The following CFAP20DC variants were observed in gnomAD, a reference collection of about 807,000 sequenced individuals.
CFAP20DC encodes CFAP20 domain containing.
CFAP20DC carries 84 observed loss-of-function variants against 101.7 expected under a neutral mutation model. The observed-to-expected ratio is 0.83, with a 90% CI of 0.69 to 0.99. The LOEUF is 0.99. Among genes scored for constraint, CFAP20DC ranks in the 50% least tolerant of loss-of-function variants. The pLI is 0.00. For synonymous variants in CFAP20DC, 359 were observed against 351.2 expected (o/e 1.02, Z -0.25); for missense variants, 1,007 against 970.3 (o/e 1.04, Z -0.50).
chr3:58,866,563 A>C lies in CFAP20DC; in HGVS notation c.1258+3T>G, dbSNP rs999899162. 6.2e-7 allele frequency: 1 copy of C among 1,602,268 alleles called. No individual in the cohort carries two copies. The highest frequency in any genetic ancestry group is 1.8e-5 in the Admixed American group (1 of 56,870). Reference sequence around the variant, plus strand: ...ACAGATATGGTGTAATAAAGATGCCAACCTGATTGATCAGGAGACTGGGGT... The same window carrying C: ...ACAGATATGGTGTAATAAAGATGCCCACCTGATTGATCAGGAGACTGGGGT... On this transcript the variant is annotated splice_donor_region_variant and intron_variant, in intron 11 of 16. Transcript: ENST00000482387.
chr3:58,910,795 G>A (rs1239302607), intron 6 of CFAP20DC, among the ~76,000 whole-genome samples: 1 of 150,948 alleles, frequency 6.6e-6, no homozygotes, highest in Non-Finnish European at 1.5e-5. Flanking sequence ...CTTATTTTTT[G>A]GTTTTATATC....
chr3:58,996,501 C>T (rs1356451313), intron 4 of CFAP20DC, among the ~76,000 whole-genome samples: 2 of 152,182 alleles, frequency 1.3e-5, no homozygotes, highest in Non-Finnish European at 2.9e-5. Context: ...AACTTGAAAT[C>T]CACAAACTTC....
intron 3 of CFAP20DC, among the ~76,000 whole-genome samples, chr3:58,736,096 C>A (rs1050031333): frequency 6.6e-6 from 1 of 152,008 alleles, no homozygotes; most frequent in African/African-American, 2.4e-5. Context: ...ACTGTCCAGA[C>A]CTAGGTACTG....
chr3:58,959,629 C>G (rs2090960635), intron 4 of CFAP20DC, among the ~76,000 whole-genome samples: 1 of 152,184 alleles, frequency 6.6e-6, no homozygotes, highest in Non-Finnish European at 1.5e-5. Flanking sequence ...TCTACATGTC[C>G]TCTTCATGCC....
At chr3:58,998,296 C>G (rs1358502792) in intron 4 of CFAP20DC, among the ~76,000 whole-genome samples, 1 of 152,130 alleles carries the variant, frequency 6.6e-6, no homozygotes, top group Non-Finnish European at 1.5e-5. Context: ...GTTTTAAATG[C>G]CCATTTTGTT....
At chr3:58,994,660 T>A (rs1243981489) in intron 4 of CFAP20DC, among the ~76,000 whole-genome samples, 1 of 152,150 alleles carries the variant, frequency 6.6e-6, no homozygotes, top group Non-Finnish European at 1.5e-5. Flanking sequence ...TCTAGACACC[T>A]CCAATCATCA....
chr3:58,921,968 T>G (rs748612349), intron 5 of CFAP20DC, among the ~76,000 whole-genome samples: 1 of 152,240 alleles, frequency 6.6e-6, no homozygotes, highest in Non-Finnish European at 1.5e-5. Context: ...TACATAATAT[T>G]CCTTGTCCTG....
intron 14 of CFAP20DC, among the ~76,000 whole-genome samples, chr3:58,808,041 C>A (rs1182328988): frequency 6.6e-6 from 1 of 152,100 alleles, no homozygotes; most frequent in Non-Finnish European, 1.5e-5. Flanking sequence ...ATGAACAAAG[C>A]CTCCAAGAAA....
At chr3:58,921,032 T>C (rs958582517) in intron 5 of CFAP20DC, among the ~76,000 whole-genome samples, 2 of 152,184 alleles carry the variant, frequency 1.3e-5, no homozygotes, top group African/African-American at 4.8e-5. Context: ...AAAAGAATTT[T>C]CCCACTTATC....
intron 14 of CFAP20DC, among the ~76,000 whole-genome samples, chr3:58,806,949 C>T (rs111532776): frequency 0.12 from 18,261 of 152,104 alleles, 1,980 homozygotes; most frequent in East Asian, 0.35. Flanking sequence ...CCTACGCCCA[C>T]GGAGTCTCAC....
chr3:58,859,772 C>T lies in CFAP20DC; in HGVS notation c.1593+3786G>A, dbSNP rs2079096252. Among the ~76,000 whole-genome samples, 1 of 152,104 alleles carries T rather than the reference C, an allele frequency of 6.6e-6. No individual in the cohort carries two copies. Among genetic ancestry groups the T allele is most frequent in the South Asian group, 2.1e-4 (1 of 4,830 alleles). ...AGAGTCTTTTCATTTTTTCCCAACA[C>T]ATAAACTAAATTTAAAAGTATCTGA... On this transcript the variant is annotated intron_variant, in intron 12 of 16. Coordinates refer to ENST00000482387, the MANE Select transcript of CFAP20DC (RefSeq NM_001394063.1). This position sits in a 1 kb window ranked among gnomAD's most constrained non-coding sequence, Gnocchi z 4.1.
chr3:58,831,943 A>G, intron 13 of CFAP20DC, 54 bp from the exon 14 acceptor site: 1 of 1,486,488 alleles, frequency 6.7e-7, no homozygotes, highest in Non-Finnish European at 9.4e-7. Flanking sequence ...TTCTACGGCT[A>G]CTAACAAATG....
At chr3:58,793,584 A>G (rs1312585636) in intron 15 of CFAP20DC, among the ~76,000 whole-genome samples, 1 of 152,180 alleles carries the variant, frequency 6.6e-6, no homozygotes, top group Non-Finnish European at 1.5e-5. Flanking sequence ...CACCAAGTTA[A>G]AACACTGATC....
intron 4 of CFAP20DC, among the ~76,000 whole-genome samples, chr3:58,975,552 G>C (rs779441943): frequency 6.6e-6 from 1 of 152,046 alleles, no homozygotes; most frequent in African/African-American, 2.4e-5. Flanking sequence ...CATAATCTTA[G>C]CTTAAAAAAA....
At chr3:58,853,679 T>A (rs2078471814) in intron 12 of CFAP20DC, among the ~76,000 whole-genome samples, 1 of 152,094 alleles carries the variant, frequency 6.6e-6, no homozygotes. Flanking sequence ...GCTGGTTCAA[T>A]ATACACAAAT....
chr3:58,922,413 A>T (rs1431796676), intron 5 of CFAP20DC, among the ~76,000 whole-genome samples: 1 of 152,144 alleles, frequency 6.6e-6, no homozygotes, highest in East Asian at 1.9e-4. Context: ...GTTCGTGCCC[A>T]ATGTTAGAGA....
At chr3:58,753,953 A>C (rs2068748034) in intron 15 of CFAP20DC, 90 bp from the exon 16 acceptor site, 4 of 777,318 alleles carry the variant, frequency 5.1e-6, no homozygotes, top group African/African-American at 1.8e-5. Context: ...TGGGGCTTCC[A>C]AAAAGAAACA....
At chr3:58,778,569 C>T (rs1480690029) in intron 15 of CFAP20DC, among the ~76,000 whole-genome samples, 1 of 152,234 alleles carries the variant, frequency 6.6e-6, no homozygotes, top group Admixed American at 6.5e-5. Flanking sequence ...ATGCCACAGT[C>T]ACTGCCCAGG....
chr3:58,853,826 G>C (rs1183311640), intron 12 of CFAP20DC, among the ~76,000 whole-genome samples: 1 of 151,958 alleles, frequency 6.6e-6, no homozygotes, highest in African/African-American at 2.4e-5. Flanking sequence ...GTATTGATGG[G>C]ACATATTTCA....
Sources: gnomAD v4.1 joint callset for allele counts (sites outside exome capture counted in the v4.1 genomes callset) on GRCh38, gnomAD v4.1.1 for gene constraint, Gnocchi (gnomAD v3.1) non-coding constraint, MANE v1.5 for transcripts, NCBI Gene and HGNC (gene_info 2026-07-23, HGNC 2026-07-21) for gene names.